MS4A18: variants seen among roughly 807,000 people sequenced by gnomAD.
MS4A18 encodes the protein membrane-spanning 4-domains subfamily A member 18.
A neutral mutation model predicts 13.1 loss-of-function variants in MS4A18; 27 were observed. That is an observed-to-expected ratio of 2.06 (90% CI 1.52 to 2.84). The LOEUF is 2.84. Ranked by LOEUF, MS4A18 falls within the 30% of genes most tolerant of loss-of-function variation. The pLI, the probability that MS4A18 is intolerant of heterozygous loss-of-function variation, is 0.00. For synonymous variants in MS4A18, 126 were observed against 76.5 expected (o/e 1.65, Z -3.38); for missense variants, 307 against 196.4 (o/e 1.56, Z -3.37).
At chr11:60,725,354 C>T (rs750506061), upstream of MS4A18, among the ~76,000 whole-genome samples, 3 of 152,134 alleles carry the variant, frequency 2.0e-5, no homozygotes, top group African/African-American at 4.8e-5. Flanking sequence ...CCACCACGCC[C>T]GGCTAATTTT....
At chr11:60,740,216 G>A (rs144578416) in intron 4 of MS4A18, among the ~76,000 whole-genome samples, 7 of 152,304 alleles carry the variant, frequency 4.6e-5, no homozygotes, top group Non-Finnish European at 8.8e-5. Context: ...GTAGCACAAC[G>A]GCACTGGATT....
intron 1 of MS4A18, among the ~76,000 whole-genome samples, 165 bp from the exon 3 acceptor site, chr11:60,733,369 G>T (rs1327266301): frequency 6.6e-6 from 1 of 152,186 alleles, no homozygotes; most frequent in African/African-American, 2.4e-5. Context: ...AAACACCCAG[G>T]TGTGGACCCT....
downstream of MS4A18, among the ~76,000 whole-genome samples, chr11:60,744,827 T>C (rs1458186247): frequency 6.6e-6 from 1 of 152,168 alleles, no homozygotes; most frequent in African/African-American, 2.4e-5. Flanking sequence ...ATGGCTGAAA[T>C]TAAAAATACT....
chr11:60,730,185 T>C (rs999644645), intron 1 of MS4A18, among the ~76,000 whole-genome samples: 1 of 152,196 alleles, frequency 6.6e-6, no homozygotes, highest in Non-Finnish European at 1.5e-5. Context: ...CTCCATTTCC[T>C]CATCTTTAGA....
At chr11:60,734,703 T>A (rs551551253) in intron 2 of MS4A18, among the ~76,000 whole-genome samples, 2 of 152,116 alleles carry the variant, frequency 1.3e-5, no homozygotes, top group African/African-American at 4.8e-5. Context: ...TTATGGGGAC[T>A]GAGTTTCAGT....
In MS4A18 at chr11:60,733,531, C is replaced by A. The variant is rs1257346067; in HGVS notation, c.478-3C>A. 1.4e-6 allele frequency: 1 copy of A among 703,112 alleles called. No individual in the cohort carries two copies. Among genetic ancestry groups the A allele is most frequent in the Non-Finnish European group, 2.6e-6 (1 of 385,030 alleles). The allele number at this position is 703,112 out of a possible 1,614,324, so 43.6% of individuals were successfully genotyped here. ...CTCTCACAGTGACTTGTTCTCCCTG[C>A]AGGCCATCCAGATCCTCATCGGCCT... On this transcript the variant is annotated splice_polypyrimidine_tract_variant and splice_region_variant and intron_variant, in intron 1 of 5. Transcript: ENST00000529108.
chr11:60,725,702 A>G (rs1327263378), upstream of MS4A18, among the ~76,000 whole-genome samples: 1 of 152,188 alleles, frequency 6.6e-6, no homozygotes, highest in Non-Finnish European at 1.5e-5. Context: ...TCATTATGAA[A>G]ATTGAAGGCA....
At chr11:60,728,759 C>T (rs1302947852), upstream of MS4A18, among the ~76,000 whole-genome samples, 2 of 151,840 alleles carry the variant, frequency 1.3e-5, no homozygotes, top group Non-Finnish European at 1.5e-5. Flanking sequence ...CTCCCTCCCC[C>T]AATGCTTCTC....
chr11:60,729,817 G>A (rs1407024486), intron 1 of MS4A18, 31 bp downstream of exon 2: 3 of 671,148 alleles, frequency 4.5e-6, no homozygotes, highest in East Asian at 2.7e-5. Flanking sequence ...TCTCCGATTT[G>A]GGTCACTTCA....
chr11:60,730,780 T>C lies in MS4A18; in HGVS notation c.477+988T>C, dbSNP rs148214376. ...AAATCAAATCCTGAACTAAATTCTATAAAACAGCAATCAGGAATAGAAATC... is the reference window on the plus strand; with the variant it reads ...AAATCAAATCCTGAACTAAATTCTACAAAACAGCAATCAGGAATAGAAATC... On this transcript the variant is annotated intron_variant, in intron 1 of 5. Transcript: ENST00000529108. Among the ~76,000 whole-genome samples, 34 of 152,220 alleles carry C rather than the reference T, an allele frequency of 2.2e-4. 1 individual carries two copies. Among genetic ancestry groups the C allele is most frequent in the African/African-American group, 8.2e-4 (34 of 41,536 alleles).
chr11:60,728,505 G>C (rs113870049), upstream of MS4A18, among the ~76,000 whole-genome samples: 40 of 146,284 alleles, frequency 2.7e-4, no homozygotes, highest in African/African-American at 8.4e-4. Flanking sequence ...CTCTCTCTGT[G>C]TGTGTGTATG....
exon 3 of MS4A18, chr11:60,737,026 C>A: frequency 1.4e-6 from 1 of 701,956 alleles, no homozygotes; most frequent in African/African-American, 1.8e-5. Flanking sequence ...GGACCCCAGT[C>A]CTTGTGTGGT....
intron 1 of MS4A18, among the ~76,000 whole-genome samples, chr11:60,732,807 T>C (rs1285565094): frequency 6.6e-6 from 1 of 151,362 alleles, no homozygotes; most frequent in Non-Finnish European, 1.5e-5. Flanking sequence ...GCACTTTTAA[T>C]CTCTACCACA....
At chr11:60,739,510 G>A (rs775353525) in intron 4 of MS4A18, among the ~76,000 whole-genome samples, 30 of 152,294 alleles carry the variant, frequency 2.0e-4, no homozygotes, top group Admixed American at 6.5e-4. Flanking sequence ...ACAAGGAGAG[G>A]AAGCTGCACT....
upstream of MS4A18, among the ~76,000 whole-genome samples, chr11:60,725,803 C>T (rs890363104): frequency 6.6e-6 from 1 of 152,168 alleles, no homozygotes; most frequent in Non-Finnish European, 1.5e-5. Context: ...CTCTGAGCCT[C>T]AGAGAGTTTG....
At chr11:60,725,898 G>T (rs910580709), upstream of MS4A18, among the ~76,000 whole-genome samples, 4 of 152,138 alleles carry the variant, frequency 2.6e-5, no homozygotes, top group Admixed American at 6.5e-5. Context: ...ATCCAAGGAT[G>T]CTGTAGTTGT....
At chr11:60,735,500 A>ATTTTTTTTTTTTTT (rs56136215) in intron 2 of MS4A18, among the ~76,000 whole-genome samples, 6 of 110,088 alleles carry the variant, frequency 5.5e-5, no homozygotes, top group Non-Finnish European at 7.2e-5. Flanking sequence ...TGCCCGGCTA[A>ATTTTTTTTTTTTTT]TTTTTTTTTT....
At chr11:60,726,378 T>A (rs191117492), upstream of MS4A18, among the ~76,000 whole-genome samples, 296 of 152,296 alleles carry the variant, frequency 1.9e-3, no homozygotes, top group African/African-American at 6.5e-3. Flanking sequence ...TAACCAATAT[T>A]TTGAACTGTT....
chr11:60,743,681 T>A, exon 6 of MS4A18: 6 of 703,004 alleles, frequency 8.5e-6, no homozygotes, highest in Non-Finnish European at 5.2e-6. Context: ...GTATTCAGTT[T>A]CAACCCAGCC....
Sources: allele counts gnomAD v4.1 joint callset (sites outside exome capture counted in the v4.1 genomes callset), GRCh38; gene constraint gnomAD v4.1.1; transcripts MANE v1.5; gene names NCBI Gene and HGNC (gene_info 2026-07-23, HGNC 2026-07-21).